TPST2: variants seen among roughly 807,000 people sequenced by gnomAD.
The protein encoded by TPST2 is protein-tyrosine sulfotransferase 2.
A neutral mutation model predicts 27.8 loss-of-function variants in TPST2; 16 were observed. That is an observed-to-expected ratio of 0.58 (90% confidence interval 0.39 to 0.88). The LOEUF (loss-of-function observed/expected upper bound fraction) is 0.88, where lower values mean the gene tolerates loss of function less well. Among genes scored for constraint, TPST2 ranks in the 40% least tolerant of loss-of-function variants. The pLI, the probability that TPST2 is intolerant of heterozygous loss-of-function variation, is 0.00. For missense variants in TPST2, 464 were observed against 543.1 expected (o/e 0.85, Z 1.45); for synonymous variants, 229 against 231.7 (o/e 0.99, Z 0.10).
At chr22:26,531,146 A>G (rs1272408007) in intron 5 of TPST2, among the ~76,000 whole-genome samples, 1 of 152,100 alleles carries the variant, frequency 6.6e-6, no homozygotes, top group Non-Finnish European at 1.5e-5. Context: ...GGAATGGCAT[A>G]CCCCCACGCT....
chr22:26,548,314 T>TGAAAG lies in TPST2; in HGVS notation c.-160-3644_-160-3640dup, dbSNP rs1926237261. 2.6e-5 allele frequency among the ~76,000 whole-genome samples: 3 copies of TGAAAG among 116,324 alleles called. No homozygotes were observed. In the South Asian group the frequency reaches 8.7e-4, roughly 34 times the overall value. 76.3% of individuals were successfully genotyped at this position (116,324 alleles called of 152,430 possible). Reference sequence around the variant, plus strand: ...CTGTTAATACAGCGAGACCCCATCTTGAAAGGAAAGGGAAGGGGAGGGGAG... The same window carrying TGAAAG: ...CTGTTAATACAGCGAGACCCCATCTTGAAAGGAAAGGAAAGGGAAGGGGAGGGGAG... On this transcript the variant is annotated intron_variant, in intron 1 of 6. Transcript: ENST00000338754.
intron 1 of TPST2, among the ~76,000 whole-genome samples, chr22:26,567,638 T>A (rs940825234): frequency 6.6e-6 from 1 of 152,174 alleles, no homozygotes; most frequent in Admixed American, 6.5e-5. Flanking sequence ...AATGAAGTCA[T>A]GCATGAAAAA....
chr22:26,527,703 A>T (rs1202178079), intron 6 of TPST2, among the ~76,000 whole-genome samples: 1 of 152,188 alleles, frequency 6.6e-6, no homozygotes. Context: ...AAATGGAATG[A>T]TCATGTCATC....
At chr22:26,530,074 T>C (rs1925068414) in intron 5 of TPST2, among the ~76,000 whole-genome samples, 1 of 152,198 alleles carries the variant, frequency 6.6e-6, no homozygotes, top group Non-Finnish European at 1.5e-5. Context: ...ACAGTGGGGA[T>C]GAGGAGAATT....
intron 1 of TPST2, among the ~76,000 whole-genome samples, chr22:26,588,041 T>G (rs921074801): frequency 6.6e-6 from 1 of 152,018 alleles, no homozygotes; most frequent in African/African-American, 2.4e-5. Flanking sequence ...GAACTGAAAA[T>G]GTATGTCCAA....
intron 5 of TPST2, among the ~76,000 whole-genome samples, chr22:26,528,819 C>T (rs914809193): frequency 1.3e-5 from 2 of 152,082 alleles, no homozygotes; most frequent in South Asian, 2.1e-4. Flanking sequence ...TCTGTCTCTA[C>T]TAAAATACAA....
chr22:26,547,359 C>T (rs1926181647), intron 1 of TPST2: 1 of 152,248 alleles, frequency 6.6e-6, no homozygotes, highest in Admixed American at 6.5e-5. Flanking sequence ...CTGTGCCTCC[C>T]AAAGTGCTGG....
chr22:26,542,115 G>A (rs1268441227), intron 2 of TPST2, among the ~76,000 whole-genome samples: 4 of 152,002 alleles, frequency 2.6e-5, no homozygotes, highest in South Asian at 4.2e-4. Context: ...GGTGGCGGGC[G>A]CCTGTAGTCC....
intron 4 of TPST2, among the ~76,000 whole-genome samples, chr22:26,533,780 T>C (rs1925297522): frequency 6.6e-6 from 1 of 152,092 alleles, no homozygotes; most frequent in Non-Finnish European, 1.5e-5. Context: ...CCTCAGGTGA[T>C]TCTCCCACCT....
chr22:26,568,662 C>G (rs1195180300), intron 1 of TPST2, among the ~76,000 whole-genome samples: 2 of 152,112 alleles, frequency 1.3e-5, no homozygotes, highest in African/African-American at 2.4e-5. Flanking sequence ...CAGAAGTTAC[C>G]CTATATGGTC....
rs534125340 is a variant in TPST2, at chr22:26,580,675, C to T, written c.-161+9378G>A. 3.3e-5 allele frequency among the ~76,000 whole-genome samples: 5 copies of T among 152,198 alleles called. No individual in the cohort carries two copies. In the East Asian group the frequency reaches 5.8e-4, roughly 18 times the overall value. ...TAAAAAATTAATGCAAAAATAAAAT[C>T]GAAGGAAGCAATGTTTTTTTATGCC... On this transcript the variant is annotated intron_variant, in intron 1 of 6. Transcript: ENST00000338754.
At chr22:26,529,162 G>GC (rs1925012522) in intron 5 of TPST2, among the ~76,000 whole-genome samples, 1 of 152,244 alleles carries the variant, frequency 6.6e-6, no homozygotes, top group East Asian at 1.9e-4. Context: ...TCACTGTGTT[G>GC]CCCAGGCTGG....
rs1321640467 is a variant in TPST2 at position 26,536,786 on chromosome 22, C to T, written c.843-300G>A. Among the ~76,000 whole-genome samples, 2 of 152,210 alleles carry T rather than the reference C, an allele frequency of 1.3e-5. 1 individual carries two copies. The highest frequency in any genetic ancestry group is 2.9e-5 in the Non-Finnish European group (2 of 68,036). ...AAATAACAACAGTTTAGGTCAGGCA[C>T]AGTGGCTCACACCTGTAATCCCAGC... On this transcript the variant is annotated intron_variant, in intron 3 of 6. Coordinates refer to ENST00000338754, the MANE Select transcript of TPST2 (RefSeq NM_003595.5).
intron 1 of TPST2, among the ~76,000 whole-genome samples, chr22:26,546,212 A>G (rs1191982146): frequency 6.6e-6 from 1 of 151,788 alleles, no homozygotes; most frequent in Non-Finnish European, 1.5e-5. Flanking sequence ...TCTCCATACC[A>G]TTTTCCTATT....
chr22:26,542,240 T>TAAA (rs537567197), intron 2 of TPST2, among the ~76,000 whole-genome samples: 37 of 115,948 alleles, frequency 3.2e-4, no homozygotes, highest in East Asian at 1.5e-3. Context: ...AGACTCCGTC[T>TAAA]AAAAAAAAAA....
intron 5 of TPST2, among the ~76,000 whole-genome samples, chr22:26,529,223 C>T (rs1324902426): frequency 6.6e-6 from 1 of 152,060 alleles, no homozygotes; most frequent in African/African-American, 2.4e-5. Flanking sequence ...GCGTCCTGAG[C>T]TCAAGCAATT....
At chr22:26,559,968 T>C (rs5752345) in intron 1 of TPST2, among the ~76,000 whole-genome samples, 35,633 of 152,146 alleles carry the variant, frequency 0.23, 4,855 homozygotes, top group Middle Eastern at 0.33. Context: ...ATCATATCAA[T>C]GTATATGTAT....
At position 26,541,539 on chromosome 22, in the gene TPST2, C is replaced by T; in HGVS notation, c.92G>A (p.Cys31Tyr). 6.2e-7 allele frequency: 1 copy of T among 1,611,460 alleles called. No homozygotes were observed. The highest frequency in any genetic ancestry group is 2.2e-5 in the East Asian group (1 of 44,838). ...CCGCAGGCCCGCCAGCACCGCCCGG[C>T]ACTCTAGCACCTGCTGTCCCAGCTG... ...AVQLGQQVLECRAVLAGLRSP... is the reference protein window; with the variant it reads ...AVQLGQQVLEYRAVLAGLRSP... The change falls in exon 3 of 7, where the codon TGC becomes TAC. Residue 31 changes from cysteine (C) to tyrosine (Y), a missense_variant. Physicochemically the swap from Cys to Tyr is radical, Grantham distance 194 (BLOSUM62 -2). Coordinates refer to ENST00000338754, the MANE Select transcript of TPST2 (RefSeq NM_003595.5). This position sits in a 1 kb window ranked among gnomAD's most constrained non-coding sequence, Gnocchi z 5.9.
At chr22:26,571,047 G>C (rs921426246) in intron 1 of TPST2, among the ~76,000 whole-genome samples, 1 of 152,152 alleles carries the variant, frequency 6.6e-6, no homozygotes, top group Non-Finnish European at 1.5e-5. Context: ...TTAGGAAAAC[G>C]GAAGTCAGGC....
Sources: gnomAD v4.1 joint callset for allele counts (sites outside exome capture counted in the v4.1 genomes callset) on GRCh38, gnomAD v4.1.1 for gene constraint, Gnocchi (gnomAD v3.1) non-coding constraint, MANE v1.5 for transcripts, NCBI Gene and HGNC (gene_info 2026-07-23, HGNC 2026-07-21) for gene names.